Variants in EHBP1 observed in about 807,000 individuals in gnomAD.
The protein encoded by EHBP1 is EH domain binding protein 1.
EHBP1 carries 55 observed loss-of-function variants against 144.0 expected under a neutral mutation model. The ratio of observed to expected loss-of-function variants is 0.38; its 90% CI spans 0.31 to 0.48. The LOEUF (loss-of-function observed/expected upper bound fraction) is 0.48. Ranked by LOEUF, EHBP1 falls within the 20% of genes least tolerant of loss-of-function variation. EHBP1 has a pLI of 0.98. For synonymous variants in EHBP1, 469 were observed against 472.7 expected (o/e 0.99, Z 0.10); for missense variants, 1,200 against 1,364.2 (o/e 0.88, Z 1.90).
intron 5 of EHBP1, among the ~76,000 whole-genome samples, chr2:62,798,979 G>T (rs1230885862): frequency 6.8e-6 from 1 of 147,460 alleles, no homozygotes; most frequent in South Asian, 2.2e-4. Flanking sequence ...ACGCCAGCCT[G>T]GGTGACAAAG....
intron 19 of EHBP1, among the ~76,000 whole-genome samples, chr2:63,019,751 A>G (rs1263736165): frequency 9.0e-5 from 12 of 132,800 alleles, no homozygotes; most frequent in African/African-American, 1.4e-4. Flanking sequence ...GAGGGGAGGG[A>G]AGAGGAGGGG....
At chr2:62,709,683 C>A (rs1040517004) in intron 2 of EHBP1, among the ~76,000 whole-genome samples, 1 of 151,960 alleles carries the variant, frequency 6.6e-6, no homozygotes, top group Non-Finnish European at 1.5e-5. Flanking sequence ...TAAATCAGGT[C>A]TTATGATAGG....
At chr2:62,680,804 G>C (rs1003397905) in intron 1 of EHBP1, among the ~76,000 whole-genome samples, 1 of 152,108 alleles carries the variant, frequency 6.6e-6, no homozygotes, top group Non-Finnish European at 1.5e-5. Context: ...AGATTCGTGG[G>C]ATATAAGTCC....
intron 5 of EHBP1, among the ~76,000 whole-genome samples, chr2:62,796,495 A>G (rs2043544790): frequency 6.6e-6 from 1 of 152,196 alleles, no homozygotes; most frequent in Non-Finnish European, 1.5e-5. Context: ...ATTTAACCAT[A>G]TACATGGATA....
At chr2:63,030,572 C>G (rs1031182746) in intron 19 of EHBP1, among the ~76,000 whole-genome samples, 6 of 152,040 alleles carry the variant, frequency 3.9e-5, no homozygotes, top group African/African-American at 1.4e-4. Flanking sequence ...ACTGCAAGCT[C>G]CACCTCCCAG....
chr2:62,866,024 A>T (rs948678395), intron 9 of EHBP1, among the ~76,000 whole-genome samples: 9 of 152,216 alleles, frequency 5.9e-5, no homozygotes, highest in African/African-American at 2.2e-4. Context: ...GAAATCACGA[A>T]GGACAAAGAA....
intron 10 of EHBP1, among the ~76,000 whole-genome samples, chr2:62,908,204 C>T (rs1203792919): frequency 6.6e-6 from 1 of 152,074 alleles, no homozygotes; most frequent in East Asian, 1.9e-4. Context: ...AGAGTTTGTC[C>T]ATTTCATCTT....
intron 19 of EHBP1, among the ~76,000 whole-genome samples, chr2:63,000,826 G>A (rs2153228686): frequency 6.6e-6 from 1 of 152,276 alleles, no homozygotes; most frequent in East Asian, 1.9e-4. Context: ...AATGGTGTGT[G>A]TGTGTGTGTA....
chr2:62,928,249 G>C (rs1396579668), intron 10 of EHBP1, among the ~76,000 whole-genome samples: 3 of 152,128 alleles, frequency 2.0e-5, no homozygotes, highest in African/African-American at 4.8e-5. Flanking sequence ...TTTCTTACCT[G>C]TCTCCAGCCC....
intron 7 of EHBP1, among the ~76,000 whole-genome samples, chr2:62,849,826 A>AGT (rs1346045450): frequency 1.3e-5 from 2 of 152,190 alleles, no homozygotes; most frequent in Non-Finnish European, 2.9e-5. Context: ...TAATATATTA[A>AGT]GTGTGTGAGG....
chr2:62,808,000 A>T (rs917979575), intron 5 of EHBP1, among the ~76,000 whole-genome samples: 2 of 151,728 alleles, frequency 1.3e-5, no homozygotes, highest in African/African-American at 2.4e-5. Flanking sequence ...GTGGGAGATC[A>T]CTTGGGGCCA....
intron 13 of EHBP1, 59 bp from the exon 14 acceptor site, chr2:62,955,458 T>G: frequency 6.6e-7 from 1 of 1,525,916 alleles, no homozygotes; most frequent in Non-Finnish European, 8.9e-7. Flanking sequence ...TTCATTAGTT[T>G]ACAAATGTAG....
At chr2:62,802,308 G>C (rs1270403992) in intron 5 of EHBP1, among the ~76,000 whole-genome samples, 1 of 152,170 alleles carries the variant, frequency 6.6e-6, no homozygotes, top group Non-Finnish European at 1.5e-5. Context: ...GAGGGGCAGG[G>C]TATGCCACTG....
chr2:62,766,631 T>C (rs879481823), intron 4 of EHBP1, among the ~76,000 whole-genome samples: 7 of 152,262 alleles, frequency 4.6e-5, no homozygotes, highest in Non-Finnish European at 4.4e-5. Flanking sequence ...CCCCACTACT[T>C]TTCTCTGTTT....
chr2:62,909,330 A>G (rs891794840), intron 10 of EHBP1, among the ~76,000 whole-genome samples: 1 of 152,054 alleles, frequency 6.6e-6, no homozygotes, highest in Non-Finnish European at 1.5e-5. Context: ...CTACAGTTGC[A>G]TGCCACCACG....
chr2:62,822,794 T>C (rs1225032709), intron 5 of EHBP1, among the ~76,000 whole-genome samples: 5 of 152,150 alleles, frequency 3.3e-5, no homozygotes, highest in Admixed American at 1.3e-4. Flanking sequence ...TGAAGAAATC[T>C]GCCAAAGATT....
At chr2:62,969,475 TC>T (rs2058396048) in intron 14 of EHBP1, among the ~76,000 whole-genome samples, 4 of 152,200 alleles carry the variant, frequency 2.6e-5, no homozygotes, top group African/African-American at 9.6e-5. Context: ...ATATTCATTT[TC>T]ATGAATTAAA....
At chr2:62,678,655 T>C (rs767378950) in intron 1 of EHBP1, among the ~76,000 whole-genome samples, 21 of 152,160 alleles carry the variant, frequency 1.4e-4, no homozygotes, top group Admixed American at 3.3e-4. Flanking sequence ...GTCTTTATTA[T>C]TAAAAGTTAT....
rs374249284 is a variant in EHBP1, at chr2:62,948,988, A to T, written c.2142A>T (p.Pro714=). The T allele has an allele frequency of 1.4e-5, 22 of 1,613,914 alleles. No individual in the cohort carries two copies. Among genetic ancestry groups the T allele is most frequent in the Non-Finnish European group, 8.5e-7 (1 of 1,179,988 alleles). Residue 714 remains proline, a synonymous_variant, in exon 13 of 23, where the codon CCA becomes CCT. Coordinates refer to ENST00000431489, the MANE Select transcript of EHBP1 (RefSeq NM_001142616.3). ...GATCCTTAGAATGCAGATCAGATCCAGAATCTCCTATCAAAAAAACAAGTT... is the reference window on the plus strand; with the variant it reads ...GATCCTTAGAATGCAGATCAGATCCTGAATCTCCTATCAAAAAAACAAGTT... ...NSRSLECRSD[P]ESPIKKTSLS... is the part of the protein sequence containing the mutation.
Sources: allele counts gnomAD v4.1 joint callset (sites outside exome capture counted in the v4.1 genomes callset), GRCh38; gene constraint gnomAD v4.1.1; transcripts MANE v1.5; gene names NCBI Gene and HGNC (gene_info 2026-07-23, HGNC 2026-07-21).